WIPF1: variants seen among roughly 807,000 people sequenced by gnomAD.
The protein encoded by WIPF1 is WAS/WASL-interacting protein family member 1.
A neutral mutation model predicts 35.4 loss-of-function variants in WIPF1; 13 were observed. That is an observed-to-expected ratio of 0.37 (90% CI 0.24 to 0.58). The LOEUF (loss-of-function observed/expected upper bound fraction) is 0.58, where lower values mean the gene tolerates loss of function less well. WIPF1 is among the 20% of genes least tolerant of loss of function. The probability of loss-of-function intolerance (pLI) is 0.74; values close to 1 mark genes in which losing one functional copy is unlikely to be tolerated. For synonymous variants in WIPF1, 267 were observed against 266.3 expected, an observed-to-expected ratio of 1.00 and a Z score of -0.02; for missense variants, 591 against 667.0, an observed-to-expected ratio of 0.89 and a Z score of 1.25.
At position 174,618,407 on chromosome 2, in the gene WIPF1, T is replaced by C. The variant is rs1004071952; in HGVS notation, c.-38-32796A>G. On this transcript the variant is annotated intron_variant, in intron 1 of 8. Transcript: ENST00000272746. ...ACAAGAGCAGGCAAAAATGGACAGCTGAGCCAGTCAATCAGTGGACTTAAG... is the reference window on the plus strand; with the variant it reads ...ACAAGAGCAGGCAAAAATGGACAGCCGAGCCAGTCAATCAGTGGACTTAAG... Among the ~76,000 whole-genome samples, 14 of 152,342 alleles carry C rather than the reference T, an allele frequency of 9.2e-5. No homozygotes were observed. In the Middle Eastern group the frequency reaches 0.01, roughly 111 times the overall value.
intron 1 of WIPF1, among the ~76,000 whole-genome samples, chr2:174,680,007 A>G (rs1229583273): frequency 6.6e-6 from 1 of 152,236 alleles, no homozygotes; most frequent in Non-Finnish European, 1.5e-5. Flanking sequence ...CACTTAATAA[A>G]TATTTGTTAA....
intron 1 of WIPF1, among the ~76,000 whole-genome samples, chr2:174,610,121 G>C (rs928887788): frequency 6.6e-6 from 1 of 152,154 alleles, no homozygotes; most frequent in Non-Finnish European, 1.5e-5. Flanking sequence ...GGGTTGCCTC[G>C]ATGGGGTCAA....
chr2:174,597,440 T>C (rs932751474), intron 1 of WIPF1, among the ~76,000 whole-genome samples, 161 bp downstream of exon 1: 10 of 152,224 alleles, frequency 6.6e-5, no homozygotes, highest in African/African-American at 2.4e-4. Flanking sequence ...ATCACCATAG[T>C]GGTGAAACTA....
At chr2:174,668,046 C>T (rs891536935) in intron 1 of WIPF1, among the ~76,000 whole-genome samples, 2 of 152,200 alleles carry the variant, frequency 1.3e-5, no homozygotes, top group African/African-American at 4.8e-5. Context: ...CCCAGCCCTA[C>T]GTCTTGTTAC....
chr2:174,625,129 G>T (rs781342249), intron 1 of WIPF1, among the ~76,000 whole-genome samples: 1 of 152,170 alleles, frequency 6.6e-6, no homozygotes, highest in Non-Finnish European at 1.5e-5. Context: ...AGCTGCTGCC[G>T]GCTGGCATCA....
intron 1 of WIPF1, among the ~76,000 whole-genome samples, chr2:174,609,893 G>A (rs1017526632): frequency 2.6e-5 from 4 of 152,148 alleles, no homozygotes; most frequent in Non-Finnish European, 5.9e-5. Flanking sequence ...TCCTGTGAAG[G>A]AGCTTCACAT....
chr2:174,571,057 G>A lies in WIPF1; in HGVS notation c.1129+619C>T, dbSNP rs1684816515. 6.3e-6 allele frequency: 1 copy of A among 157,788 alleles called. No homozygotes were observed. Among genetic ancestry groups the A allele is most frequent in the Admixed American group, 6.0e-5 (1 of 16,756 alleles). The allele number at this position is 157,788 out of a possible 1,614,324, so 9.8% of individuals were successfully genotyped here. A position where few individuals can be genotyped will look rare whatever the true frequency, so the allele number is the denominator to read the frequency against. Reference sequence around the variant, plus strand: ...GGCTTCAGCAGGCTCTTCAAGCCATGTGACAGCAGGCAAATTTTGAGTTTA... The same window carrying A: ...GGCTTCAGCAGGCTCTTCAAGCCATATGACAGCAGGCAAATTTTGAGTTTA... On this transcript the variant is annotated intron_variant, in intron 5 of 7. Coordinates refer to ENST00000679041, the MANE Select transcript of WIPF1 (RefSeq NM_001375834.1). The surrounding 1 kb of genome is among the most constrained non-coding windows in gnomAD (Gnocchi z 4.6).
chr2:174,623,439 A>C (rs1686735796), intron 1 of WIPF1: 1 of 152,224 alleles, frequency 6.6e-6, no homozygotes, highest in South Asian at 2.1e-4. Context: ...GCTGTTGGTT[A>C]CAGGTCTCCC....
chr2:174,601,034 C>T (rs530688243), upstream of WIPF1, among the ~76,000 whole-genome samples: 2 of 141,986 alleles, frequency 1.4e-5, no homozygotes, highest in South Asian at 4.6e-4. Flanking sequence ...AAGCGATTCT[C>T]ATGTCTTGGC....
chr2:174,627,399 TTTTC>T (rs762888803), intron 1 of WIPF1, among the ~76,000 whole-genome samples: 3 of 152,074 alleles, frequency 2.0e-5, no homozygotes, highest in Non-Finnish European at 2.9e-5. Flanking sequence ...TATGATTTTC[TTTTC>T]TTTTTCTTTT....
chr2:174,580,269 C>T (rs1489433473), intron 3 of WIPF1, among the ~76,000 whole-genome samples: 1 of 152,130 alleles, frequency 6.6e-6, no homozygotes, highest in Admixed American at 6.6e-5. Flanking sequence ...TTTTTGAAAG[C>T]AGTGCATTCT....
intron 1 of WIPF1, among the ~76,000 whole-genome samples, chr2:174,620,427 A>T (rs1177059954): frequency 6.6e-6 from 1 of 152,244 alleles, no homozygotes; most frequent in African/African-American, 2.4e-5. Context: ...TGAAAAAGAA[A>T]CTACAGTTGT....
At chr2:174,612,021 T>A (rs1686363349) in intron 1 of WIPF1, among the ~76,000 whole-genome samples, 1 of 152,184 alleles carries the variant, frequency 6.6e-6, no homozygotes, top group Non-Finnish European at 1.5e-5. Flanking sequence ...CCTGAGTAGC[T>A]GGGACTACAG....
At chr2:174,640,306 A>G (rs1687270174) in intron 1 of WIPF1, among the ~76,000 whole-genome samples, 1 of 133,572 alleles carries the variant, frequency 7.5e-6, no homozygotes, top group South Asian at 2.5e-4. Context: ...CAATGAGAAC[A>G]CATGGACACA....
At chr2:174,602,636 G>T (rs1338039267), upstream of WIPF1, among the ~76,000 whole-genome samples, 2 of 152,176 alleles carry the variant, frequency 1.3e-5, no homozygotes, top group African/African-American at 4.8e-5. Flanking sequence ...TAAAAGAGCA[G>T]AAACAAAGGA....
chr2:174,647,731 G>A (rs1022260918), intron 1 of WIPF1, among the ~76,000 whole-genome samples: 1 of 151,848 alleles, frequency 6.6e-6, no homozygotes, highest in Admixed American at 6.6e-5. Flanking sequence ...CATGGCTAAT[G>A]AGAAAATATG....
In WIPF1 at chr2:174,622,872, G is replaced by T. The variant is rs1686718529; in HGVS notation, c.-38-37261C>A. On this transcript the variant is annotated intron_variant, in intron 1 of 8. Coordinates refer to the WIPF1 transcript ENST00000272746. This position sits in a 1 kb window ranked among gnomAD's most constrained non-coding sequence, Gnocchi z 5.1. ...GAGCTTTTACCTATAAACATCACAA[G>T]GCAGAGGCAACTACAACACCTACCA... Among the ~76,000 whole-genome samples, 1 of 152,170 alleles carries T rather than the reference G, an allele frequency of 6.6e-6. No individual in the cohort carries two copies. Among genetic ancestry groups the T allele is most frequent in the Non-Finnish European group, 1.5e-5 (1 of 68,042 alleles).
chr2:174,629,527 T>C (rs1686950179), intron 1 of WIPF1: 1 of 151,228 alleles, frequency 6.6e-6, no homozygotes, highest in Admixed American at 6.6e-5. Flanking sequence ...AAGTAGGGAG[T>C]GGAGAGAAGG....
intron 1 of WIPF1, among the ~76,000 whole-genome samples, chr2:174,587,049 C>T (rs1013621470): frequency 2.6e-5 from 4 of 152,130 alleles, no homozygotes; most frequent in Non-Finnish European, 5.9e-5. Context: ...CTCTGTCACA[C>T]AGGCTGGAAT....
Sources: gnomAD v4.1 joint callset for allele counts (sites outside exome capture counted in the v4.1 genomes callset) on GRCh38, gnomAD v4.1.1 for gene constraint, Gnocchi (gnomAD v3.1) non-coding constraint, MANE v1.5 for transcripts, NCBI Gene and HGNC (gene_info 2026-07-23, HGNC 2026-07-21) for gene names.